IGF2BP3: variants seen among roughly 807,000 people sequenced by gnomAD.
The protein encoded by IGF2BP3 is insulin like growth factor 2 mRNA binding protein 3.
IGF2BP3 carries 9 observed loss-of-function variants against 73.8 expected under a neutral mutation model. The ratio of observed to expected loss-of-function variants is 0.12; its 90% confidence interval spans 0.07 to 0.21. The LOEUF (loss-of-function observed/expected upper bound fraction) is 0.21. IGF2BP3 is among the 10% of genes least tolerant of loss of function. The pLI, the probability that IGF2BP3 is intolerant of heterozygous loss-of-function variation, is 1.00. For synonymous variants in IGF2BP3, 258 were observed against 256.7 expected (o/e 1.01, Z -0.05); for missense variants, 542 against 714.0 (o/e 0.76, Z 2.75).
intron 3 of IGF2BP3, chr7:23,396,386 GA>G (rs2128523413): frequency 6.4e-6 from 1 of 155,050 alleles, no homozygotes; most frequent in African/African-American, 2.4e-5. Context: ...GGGCAACAGA[GA>G]AGACTCTGAC....
chr7:23,342,271 C>A, intron 9 of IGF2BP3, 82 bp from the exon 10 acceptor site: 1 of 1,443,468 alleles, frequency 6.9e-7, no homozygotes, highest in Non-Finnish European at 9.7e-7. Context: ...AGTATTCAAA[C>A]TGATCTCTTG....
chr7:23,356,084 C>T (rs1262324113), intron 5 of IGF2BP3, among the ~76,000 whole-genome samples: 1 of 151,906 alleles, frequency 6.6e-6, no homozygotes, highest in Non-Finnish European at 1.5e-5. Context: ...TTAAACGTAC[C>T]CAGGAGTCCA....
At chr7:23,388,607 CTTTTTTTTTTTT>C (rs35723715) in intron 3 of IGF2BP3, among the ~76,000 whole-genome samples, 1 of 124,022 alleles carries the variant, frequency 8.1e-6, no homozygotes, top group Non-Finnish European at 1.7e-5. Context: ...TCTTCTCCAT[CTTTTTTTTTTTT>C]TTTTTTTTTC....
intron 3 of IGF2BP3, among the ~76,000 whole-genome samples, chr7:23,366,929 A>G (rs1186617848): frequency 6.6e-6 from 1 of 151,414 alleles, no homozygotes; most frequent in East Asian, 1.9e-4. Context: ...ATGCCACTCC[A>G]GCCCACTGAA....
intron 2 of IGF2BP3, among the ~76,000 whole-genome samples, chr7:23,444,993 G>A (rs1460985324): frequency 1.3e-5 from 2 of 152,124 alleles, no homozygotes; most frequent in African/African-American, 4.8e-5. Flanking sequence ...AGAATTTAGA[G>A]GCTGCACTGA....
intron 5 of IGF2BP3, among the ~76,000 whole-genome samples, chr7:23,358,112 C>T (rs114378049): frequency 1.6e-4 from 25 of 152,292 alleles, no homozygotes; most frequent in African/African-American, 6.0e-4. Flanking sequence ...TTCTCAGTAG[C>T]CTCATTAGCT....
intron 3 of IGF2BP3, among the ~76,000 whole-genome samples, chr7:23,403,709 A>C (rs34607168): frequency 0.092 from 14,004 of 152,262 alleles, 875 homozygotes; most frequent in South Asian, 0.18. Context: ...TGGTAGCTGC[A>C]AGACCTTGGC....
At chr7:23,317,536 T>C (rs1784024127) in intron 12 of IGF2BP3, 103 bp downstream of exon 12, 4 of 813,884 alleles carry the variant, frequency 4.9e-6, no homozygotes, top group East Asian at 2.5e-5. Context: ...AGAATTTCCA[T>C]TGACTCTTTC....
chr7:23,312,111 C>A lies in IGF2BP3; in HGVS notation c.*251G>T. On this transcript the variant is annotated 3_prime_UTR_variant, in exon 15 of 15. Coordinates refer to ENST00000258729, the MANE Select transcript of IGF2BP3 (RefSeq NM_006547.3). ...AGGGAAGTGCAGAGCTCTTCTCTTT[C>A]CCTCCCTCCCCCACCCTTTTTTTGT... 9.6e-6 allele frequency: 4 copies of A among 416,476 alleles called. No homozygotes were observed. Among genetic ancestry groups the A allele is most frequent in the East Asian group, 4.0e-5 (1 of 24,730 alleles). The allele number at this position is 416,476 out of a possible 1,614,324, so 25.8% of individuals were successfully genotyped here.
chr7:23,405,927 G>T (rs1562732111), intron 3 of IGF2BP3, among the ~76,000 whole-genome samples: 1 of 152,110 alleles, frequency 6.6e-6, no homozygotes, highest in African/African-American at 2.4e-5. Context: ...GAATGCTGTG[G>T]ACAGGCTTAC....
intron 6 of IGF2BP3, among the ~76,000 whole-genome samples, chr7:23,351,009 C>G (rs557817534): frequency 1.3e-5 from 2 of 152,256 alleles, no homozygotes; most frequent in African/African-American, 4.8e-5. Context: ...GGACAGAGGA[C>G]AACCTGGAAG....
chr7:23,349,207 T>C (rs917572788), intron 6 of IGF2BP3, among the ~76,000 whole-genome samples: 3 of 152,222 alleles, frequency 2.0e-5, no homozygotes, highest in Admixed American at 6.5e-5. Context: ...TTTGTTGAGT[T>C]CCTTTGGCCA....
In IGF2BP3 at chr7:23,418,827, G is replaced by A. The variant is rs1470860638; in HGVS notation, c.237-3C>T. The A allele has an allele frequency of 1.3e-6, 2 of 1,563,598 alleles. No individual in the cohort carries two copies. Among genetic ancestry groups the A allele is most frequent in the Non-Finnish European group, 8.7e-7 (1 of 1,146,784 alleles). On this transcript the variant is annotated splice_polypyrimidine_tract_variant and splice_region_variant and intron_variant, in intron 2 of 14. Coordinates refer to ENST00000258729, the MANE Select transcript of IGF2BP3 (RefSeq NM_006547.3). ...TTCGTATCTGAAGTTTCCGAATCCT[G>A]CAGAAGAATTAAAATGTTTTTTAAA...
chr7:23,428,828 C>T (rs574918820), intron 2 of IGF2BP3, among the ~76,000 whole-genome samples: 2 of 150,610 alleles, frequency 1.3e-5, no homozygotes, highest in East Asian at 3.9e-4. Context: ...TATTTCATTC[C>T]TTCAGTATCA....
intron 11 of IGF2BP3, among the ~76,000 whole-genome samples, chr7:23,318,010 G>C (rs901600521): frequency 7.9e-5 from 12 of 152,106 alleles, no homozygotes; most frequent in Admixed American, 7.2e-4. Flanking sequence ...TGCGGAAATG[G>C]AAGGCTGGAG....
intron 3 of IGF2BP3, among the ~76,000 whole-genome samples, chr7:23,377,428 C>G (rs764567850): frequency 6.6e-6 from 1 of 152,146 alleles, no homozygotes; most frequent in Admixed American, 6.5e-5. Flanking sequence ...AGTGACTTAT[C>G]GCTTCACACC....
intron 10 of IGF2BP3, among the ~76,000 whole-genome samples, chr7:23,321,247 T>C (rs1023826254): frequency 1.3e-5 from 2 of 152,168 alleles, no homozygotes; most frequent in East Asian, 1.9e-4. Flanking sequence ...GGGCGAGGCA[T>C]TGCCTCACTC....
At chr7:23,352,953 T>G (rs1785004634) in intron 5 of IGF2BP3, among the ~76,000 whole-genome samples, 2 of 152,184 alleles carry the variant, frequency 1.3e-5, no homozygotes, top group Non-Finnish European at 2.9e-5. Flanking sequence ...TGTATTCATT[T>G]TGTGTGTGTG....
chr7:23,466,273 T>C (rs867337545), intron 2 of IGF2BP3, among the ~76,000 whole-genome samples: 3 of 152,224 alleles, frequency 2.0e-5, no homozygotes, highest in African/African-American at 4.8e-5. Context: ...TCCACCCACC[T>C]TGGCCTCCCA....
Sources: gnomAD v4.1 joint callset for allele counts (sites outside exome capture counted in the v4.1 genomes callset) on GRCh38, gnomAD v4.1.1 for gene constraint, MANE v1.5 for transcripts, NCBI Gene and HGNC (gene_info 2026-07-23, HGNC 2026-07-21) for gene names.